The following ERAP1 variants were observed in gnomAD, a reference collection of about 807,000 sequenced individuals.
ERAP1 encodes endoplasmic reticulum aminopeptidase 1.
Under a neutral mutation model 103.7 loss-of-function variants are expected in ERAP1, and 86 were observed. The observed-to-expected ratio is 0.83, with a 90% CI of 0.70 to 0.99. The LOEUF is 0.99. Among genes scored for constraint, ERAP1 ranks in the 50% least tolerant of loss-of-function variants. The pLI is 0.00. For missense variants in ERAP1, 1,009 were observed against 1,128.4 expected (o/e 0.89, Z 1.52); for synonymous variants, 398 against 402.4 (o/e 0.99, Z 0.13).
chr5:96,916,728 G>GA, the ERAP1 span, among the ~76,000 whole-genome samples: 1 of 150,662 alleles, frequency 6.6e-6, no homozygotes. Context: ...TTGGCCTCCC[G>GA]AAGTGCTGGG....
the ERAP1 span, among the ~76,000 whole-genome samples, chr5:96,923,320 C>T: frequency 6.6e-6 from 1 of 152,228 alleles, no homozygotes; most frequent in East Asian, 1.9e-4. Flanking sequence ...GTTGACCCCT[C>T]GGTCTCACTG....
chr5:96,865,199 A>T, the ERAP1 span, among the ~76,000 whole-genome samples: 4 of 152,308 alleles, frequency 2.6e-5, no homozygotes, highest in African/African-American at 9.6e-5. Flanking sequence ...TTTTATCCAT[A>T]TCATGGGAAA....
chr5:96,895,194 T>C, the ERAP1 span: 7 of 1,132,012 alleles, frequency 6.2e-6, no homozygotes, highest in Non-Finnish European at 7.7e-6. Flanking sequence ...TTGCTAAAGT[T>C]AATAATTTTT....
the ERAP1 span, among the ~76,000 whole-genome samples, chr5:96,848,350 C>T: frequency 0.047 from 7,164 of 152,174 alleles, 212 homozygotes; most frequent in South Asian, 0.11. Context: ...CATACCCTGC[C>T]GAGAGTTTGT....
chr5:96,896,944 A>G, the ERAP1 span: 1,403 of 1,390,918 alleles, frequency 1.0e-3, no homozygotes, highest in Non-Finnish European at 1.3e-3. Flanking sequence ...ATAAATAGCT[A>G]TATATTGTCA....
chr5:96,826,556 A>C, the ERAP1 span, among the ~76,000 whole-genome samples: 1 of 152,212 alleles, frequency 6.6e-6, no homozygotes, highest in Non-Finnish European at 1.5e-5. Context: ...CTTTTTTGAA[A>C]AAAGAGCCAC....
intron 10 of ERAP1, among the ~76,000 whole-genome samples, chr5:96,789,683 G>A (rs1776506815): frequency 6.6e-6 from 1 of 152,162 alleles, no homozygotes; most frequent in South Asian, 2.1e-4. Context: ...GATGAACAGA[G>A]ACTCAGGCTG....
the ERAP1 span, among the ~76,000 whole-genome samples, chr5:96,877,487 A>G: frequency 6.6e-6 from 1 of 152,212 alleles, no homozygotes; most frequent in African/African-American, 2.4e-5. Context: ...TTCATATCCA[A>G]CACTAATTAC....
At chr5:96,880,898 C>T in the ERAP1 span, 1 of 159,948 alleles carries the variant, frequency 6.3e-6, no homozygotes, top group Admixed American at 5.8e-5. Flanking sequence ...AAACAAGGTG[C>T]AAGAAAGGTA....
the ERAP1 span, chr5:96,912,828 T>G: frequency 6.4e-7 from 1 of 1,555,338 alleles, no homozygotes; most frequent in Non-Finnish European, 8.7e-7. Context: ...TAAATTGTTA[T>G]AAGTAAACTG....
In ERAP1 at chr5:96,788,524, G is replaced by C. The variant is rs1403460641; in HGVS notation, c.1679+7C>G. The C allele has an allele frequency of 6.2e-7, 1 of 1,614,040 alleles. No individual in the cohort carries two copies. The highest frequency in any genetic ancestry group is 1.3e-5 in the African/African-American group (1 of 75,036). On this transcript the variant is annotated splice_region_variant and intron_variant, in intron 11 of 18. Coordinates refer to ENST00000443439, the MANE Select transcript of ERAP1 (RefSeq NM_001040458.3). ...CAACAAAACAAATTTTACTCTAGGAGCATTACCCAGTGTCCGGGGCGCCGT... is the reference window on the plus strand; with the variant it reads ...CAACAAAACAAATTTTACTCTAGGACCATTACCCAGTGTCCGGGGCGCCGT...
the ERAP1 span, chr5:96,881,524 G>T: frequency 2.2e-6 from 1 of 454,012 alleles, no homozygotes; most frequent in Non-Finnish European, 4.4e-6. Flanking sequence ...TATGTGAATT[G>T]TGTTCAATTG....
chr5:96,886,248 A>G, the ERAP1 span, among the ~76,000 whole-genome samples: 5 of 152,216 alleles, frequency 3.3e-5, no homozygotes, highest in African/African-American at 1.2e-4. Flanking sequence ...TTCTTTTTCC[A>G]CAGGGGTGTA....
At chr5:96,894,844 A>G in the ERAP1 span, among the ~76,000 whole-genome samples, 1 of 152,106 alleles carries the variant, frequency 6.6e-6, no homozygotes, top group Non-Finnish European at 1.5e-5. Flanking sequence ...GGACACTTGG[A>G]TTTATATTTC....
the ERAP1 span, among the ~76,000 whole-genome samples, chr5:96,844,787 C>T: frequency 6.6e-6 from 1 of 152,198 alleles, no homozygotes; most frequent in Non-Finnish European, 1.5e-5. Context: ...CTGGCACTCT[C>T]CACCTCCTTT....
intron 19 of ERAP1, chr5:96,768,047 T>C (rs1452608341): frequency 8.6e-7 from 1 of 1,160,924 alleles, no homozygotes; most frequent in East Asian, 2.3e-5. Context: ...TGTGTGTGTA[T>C]GTGTACATAC....
rs768371476 is a variant in ERAP1, at chr5:96,792,074, ACAT to A, written c.1304_1306del (p.Asp435del). 10 of 1,613,976 alleles carry A rather than the reference ACAT, an allele frequency of 6.2e-6. No individual in the cohort carries two copies. In the East Asian group the frequency reaches 2.0e-4, roughly 32 times the overall value. Reference sequence around the variant, plus strand: ...ATCTACTTTTACCTTATCATAAGAAACATCATCAAACATCTCCCGGATCTGAGC... The same window carrying A: ...ATCTACTTTTACCTTATCATAAGAAACATCAAACATCTCCCGGATCTGAGC... On this transcript the variant is annotated inframe_deletion, in exon 8 of 19. Coordinates refer to ENST00000443439, the MANE Select transcript of ERAP1 (RefSeq NM_001040458.3).
chr5:96,876,768 T>A, the ERAP1 span, among the ~76,000 whole-genome samples: 1 of 152,126 alleles, frequency 6.6e-6, no homozygotes, highest in African/African-American at 2.4e-5. Context: ...TTTCTAAGCG[T>A]TTGTGACAAT....
intron 7 of ERAP1, 87 bp downstream of exon 7, chr5:96,793,313 T>C: frequency 1.0e-6 from 1 of 952,424 alleles, no homozygotes; most frequent in Non-Finnish European, 1.7e-6. Context: ...TTATAAGTTC[T>C]ATAATCAAAG....
Sources: gnomAD v4.1 joint callset for allele counts (sites outside exome capture counted in the v4.1 genomes callset) on GRCh38, gnomAD v4.1.1 for gene constraint, MANE v1.5 for transcripts, NCBI Gene and HGNC (gene_info 2026-07-23, HGNC 2026-07-21) for gene names.